The following B4GALT6 variants were observed in gnomAD, a reference collection of about 807,000 sequenced individuals.
B4GALT6 encodes the protein beta-1,4-galactosyltransferase 6.
In B4GALT6, 14 loss-of-function variants were observed where a neutral mutation model predicts 46.3. The ratio of observed to expected loss-of-function variants is 0.30; its 90% CI spans 0.20 to 0.47. The LOEUF is 0.47. Among genes scored for constraint, B4GALT6 ranks in the 20% least tolerant of loss-of-function variants. The probability of loss-of-function intolerance (pLI) is 0.99; values close to 1 mark genes in which losing one functional copy is unlikely to be tolerated. For missense variants in B4GALT6, 386 were observed against 480.1 expected (o/e 0.80, Z 1.83); for synonymous variants, 168 against 162.0 (o/e 1.04, Z -0.28).
the B4GALT6 span, among the ~76,000 whole-genome samples, chr18:31,696,389 T>C: frequency 6.6e-6 from 1 of 152,230 alleles, no homozygotes; most frequent in Non-Finnish European, 1.5e-5. Context: ...TCCATTTAGA[T>C]TCTCTTGGCT....
chr18:31,639,341 G>C (rs2073901970), intron 4 of B4GALT6, among the ~76,000 whole-genome samples: 1 of 152,050 alleles, frequency 6.6e-6, no homozygotes, highest in African/African-American at 2.4e-5. Flanking sequence ...ATTTTGAATT[G>C]AATTTAAAAG....
At chr18:31,661,073 G>GA (rs1445777131) in intron 2 of B4GALT6, among the ~76,000 whole-genome samples, 10 of 152,026 alleles carry the variant, frequency 6.6e-5, no homozygotes, top group African/African-American at 2.4e-4. Flanking sequence ...AAATTGGGGG[G>GA]AAAAAGAGTT....
In B4GALT6 at chr18:31,659,069, T is replaced by C. The variant is rs372149664; in HGVS notation, c.233-980A>G. Among the ~76,000 whole-genome samples the C allele has an allele frequency of 3.5e-4, 54 of 152,240 alleles. No individual in the cohort carries two copies. In the East Asian group the frequency reaches 4.8e-3, roughly 14 times the overall value. ...CTGGCCTAAGAGAATGACATCAACATGCAATGAGTGAAATGAGAGACGGAA... is the reference window on the plus strand; with the variant it reads ...CTGGCCTAAGAGAATGACATCAACACGCAATGAGTGAAATGAGAGACGGAA... On this transcript the variant is annotated intron_variant, in intron 2 of 8. Transcript: ENST00000306851.
the B4GALT6 span, among the ~76,000 whole-genome samples, chr18:31,723,037 G>A: frequency 2.0e-5 from 3 of 152,106 alleles, no homozygotes; most frequent in African/African-American, 7.2e-5. Flanking sequence ...TTCACTGCAG[G>A]CTGCAGCTGA....
chr18:31,684,759 G>A, upstream of B4GALT6: 5 of 1,085,164 alleles, frequency 4.6e-6, no homozygotes, highest in African/African-American at 1.6e-5. Context: ...CCGCCAAGCA[G>A]CGGCGGGAGG....
At chr18:31,721,182 G>C in the B4GALT6 span, among the ~76,000 whole-genome samples, 1 of 150,736 alleles carries the variant, frequency 6.6e-6, no homozygotes, top group Non-Finnish European at 1.5e-5. Context: ...ACCGGGGCCT[G>C]TCGGGGGGTG....
intron 4 of B4GALT6, among the ~76,000 whole-genome samples, chr18:31,643,902 C>T (rs928857382): frequency 6.6e-6 from 1 of 152,328 alleles, no homozygotes; most frequent in Non-Finnish European, 1.5e-5. Flanking sequence ...TGCTATCCCA[C>T]AGCCTCGGTG....
At chr18:31,669,342 T>C (rs1194049053) in intron 1 of B4GALT6, among the ~76,000 whole-genome samples, 1 of 152,218 alleles carries the variant, frequency 6.6e-6, no homozygotes, top group Non-Finnish European at 1.5e-5. Context: ...TTAATCTCTG[T>C]ATTGTTCCCA....
the B4GALT6 span, among the ~76,000 whole-genome samples, chr18:31,691,978 C>T: frequency 6.6e-6 from 1 of 151,956 alleles, no homozygotes; most frequent in African/African-American, 2.4e-5. Flanking sequence ...TTTGCCATGA[C>T]CAATAAGGAA....
chr18:31,663,584 A>G (rs1406907343), intron 2 of B4GALT6, among the ~76,000 whole-genome samples: 4 of 152,354 alleles, frequency 2.6e-5, no homozygotes, highest in African/African-American at 9.6e-5. Flanking sequence ...AAATGTGCTT[A>G]TAACTATCAC....
At chr18:31,649,575 C>CAAAAAAAAAAA (rs66578099) in intron 3 of B4GALT6, among the ~76,000 whole-genome samples, 6 of 102,412 alleles carry the variant, frequency 5.9e-5, no homozygotes, top group East Asian at 3.0e-4. Context: ...AAAAAATGAG[C>CAAAAAAAAAAA]AAAAAAAAAA....
chr18:31,640,512 T>G (rs189926964), intron 4 of B4GALT6, among the ~76,000 whole-genome samples: 2 of 152,328 alleles, frequency 1.3e-5, no homozygotes, highest in East Asian at 3.9e-4. Flanking sequence ...GCTGATGGGA[T>G]AGCAAAAACA....
chr18:31,708,293 G>A, the B4GALT6 span, among the ~76,000 whole-genome samples: 3 of 152,136 alleles, frequency 2.0e-5, no homozygotes, highest in Admixed American at 6.5e-5. Flanking sequence ...AGCTGGGTGC[G>A]GTGGCTCATG....
At chr18:31,651,150 C>T (rs1267131184) in intron 3 of B4GALT6, among the ~76,000 whole-genome samples, 1 of 152,070 alleles carries the variant, frequency 6.6e-6, no homozygotes, top group East Asian at 1.9e-4. Flanking sequence ...GATCACAGCA[C>T]CTACACACTG....
chr18:31,677,450 T>C (rs2074426962), intron 1 of B4GALT6, among the ~76,000 whole-genome samples: 1 of 152,120 alleles, frequency 6.6e-6, no homozygotes, highest in Admixed American at 6.5e-5. Flanking sequence ...AAAAACAGAA[T>C]TGAGTGCCAC....
chr18:31,666,185 G>T, intron 2 of B4GALT6, 71 bp downstream of exon 2: 1 of 813,028 alleles, frequency 1.2e-6, no homozygotes, highest in Non-Finnish European at 1.9e-6. Flanking sequence ...TTACCTGAAG[G>T]CAAAACAGAC....
At chr18:31,627,985 TGCAACCACA>T (rs2073723141) in intron 6 of B4GALT6, among the ~76,000 whole-genome samples, 1 of 152,208 alleles carries the variant, frequency 6.6e-6, no homozygotes, top group Non-Finnish European at 1.5e-5. Context: ...GAAACCTGGC[TGCAACCACA>T]GCAAAGCTGT....
chr18:31,650,391 A>G lies in B4GALT6; in HGVS notation c.347-4912T>C, dbSNP rs74676548. On this transcript the variant is annotated intron_variant, in intron 3 of 8. Coordinates refer to ENST00000306851, the MANE Select transcript of B4GALT6 (RefSeq NM_004775.5). ...CCTGCCTTTCAAAGGAAAAAGCTAG[A>G]ACCCACTCTCCAAACCCCTCTAACA... Among the ~76,000 whole-genome samples, 625 of 152,304 alleles carry G rather than the reference A, an allele frequency of 4.1e-3. 2 individuals are homozygous for G. Among genetic ancestry groups the G allele is most frequent in the African/African-American group, 0.015 (603 of 41,560 alleles).
the B4GALT6 span, among the ~76,000 whole-genome samples, chr18:31,702,803 G>A: frequency 6.6e-6 from 1 of 152,200 alleles, no homozygotes; most frequent in Non-Finnish European, 1.5e-5. Flanking sequence ...TGAAGCCCAA[G>A]GTGCGGGAGC....
Sources: gnomAD v4.1 joint callset for allele counts (sites outside exome capture counted in the v4.1 genomes callset) on GRCh38, gnomAD v4.1.1 for gene constraint, MANE v1.5 for transcripts, NCBI Gene and HGNC (gene_info 2026-07-23, HGNC 2026-07-21) for gene names.